The following LRMDA variants were observed in gnomAD, a reference collection of about 807,000 sequenced individuals.
LRMDA encodes the protein leucine rich melanocyte differentiation associated, also known as leucine-rich melanocyte differentiation-associated protein.
In LRMDA, 18 loss-of-function variants were observed where a neutral mutation model predicts 29.8. The observed-to-expected ratio is 0.60, with a 90% confidence interval of 0.42 to 0.90. The LOEUF (loss-of-function observed/expected upper bound fraction) is 0.90, where lower values mean the gene tolerates loss of function less well. Ranked by LOEUF, LRMDA falls within the 40% of genes least tolerant of loss-of-function variation. The pLI, the probability that LRMDA is intolerant of heterozygous loss-of-function variation, is 0.00. For missense variants in LRMDA, 273 were observed against 273.9 expected, an observed-to-expected ratio of 1.00 and a Z score of 0.02; for synonymous variants, 125 against 109.4, an observed-to-expected ratio of 1.14 and a Z score of -0.89.
At chr10:75,848,659 A>G (rs1844681452) in intron 2 of LRMDA, among the ~76,000 whole-genome samples, 1 of 152,064 alleles carries the variant, frequency 6.6e-6, no homozygotes, top group Non-Finnish European at 1.5e-5. Context: ...ACAATACCCC[A>G]GATGCATTAC....
chr10:76,334,374 A>G (rs1017718342), intron 6 of LRMDA, among the ~76,000 whole-genome samples: 1 of 152,208 alleles, frequency 6.6e-6, no homozygotes, highest in African/African-American at 2.4e-5. Flanking sequence ...TTTGGAACAA[A>G]TAAACAAACA....
At chr10:76,030,479 T>C (rs1848131439) in intron 2 of LRMDA, among the ~76,000 whole-genome samples, 1 of 152,208 alleles carries the variant, frequency 6.6e-6, no homozygotes, top group Admixed American at 6.5e-5. Flanking sequence ...AGAATATCTC[T>C]TACAGGACTA....
At chr10:75,804,090 T>C (rs982287592) in intron 2 of LRMDA, among the ~76,000 whole-genome samples, 4 of 152,220 alleles carry the variant, frequency 2.6e-5, no homozygotes, top group African/African-American at 9.6e-5. Context: ...AGGCACTCAG[T>C]AAGGGAAAAT....
intron 5 of LRMDA, among the ~76,000 whole-genome samples, chr10:76,262,476 G>A (rs952814150): frequency 2.0e-5 from 3 of 152,178 alleles, no homozygotes; most frequent in Admixed American, 6.5e-5. Context: ...CTCCGGCACC[G>A]TGTGAAGTTT....
chr10:75,870,390 T>C (rs1250255393), intron 2 of LRMDA, among the ~76,000 whole-genome samples: 1 of 152,236 alleles, frequency 6.6e-6, no homozygotes, highest in East Asian at 1.9e-4. Flanking sequence ...ACATGTGTTA[T>C]GTACGACATT....
chr10:75,723,162 G>T (rs1207456559), intron 2 of LRMDA, among the ~76,000 whole-genome samples: 1 of 152,216 alleles, frequency 6.6e-6, no homozygotes, highest in Non-Finnish European at 1.5e-5. Flanking sequence ...CATTAATGAA[G>T]GTTAGATCTT....
chr10:76,278,461 C>T (rs773821525), intron 5 of LRMDA, among the ~76,000 whole-genome samples: 51 of 152,284 alleles, frequency 3.3e-4, no homozygotes, highest in Non-Finnish European at 6.2e-4. Flanking sequence ...TGCTGCTAAT[C>T]GTCAGTGGAT....
At chr10:75,860,659 G>C (rs1479140652) in intron 2 of LRMDA, among the ~76,000 whole-genome samples, 2 of 152,134 alleles carry the variant, frequency 1.3e-5, no homozygotes, top group African/African-American at 2.4e-5. Context: ...GAAGCCCAAT[G>C]TTGCTTGTGT....
intron 5 of LRMDA, among the ~76,000 whole-genome samples, chr10:76,136,042 C>T (rs1379989144): frequency 2.6e-5 from 4 of 152,112 alleles, no homozygotes; most frequent in Admixed American, 6.5e-5. Context: ...CGTGTCATGT[C>T]TGATCTAAGA....
chr10:75,665,783 G>A (rs2132138559), intron 2 of LRMDA, among the ~76,000 whole-genome samples: 1 of 152,294 alleles, frequency 6.6e-6, no homozygotes, highest in African/African-American at 2.4e-5. Context: ...TTGTCTTTGA[G>A]TTATTTTACA....
intron 1 of LRMDA, 96 bp from the exon 2 acceptor site, chr10:75,438,298 A>C: frequency 1.0e-6 from 1 of 959,964 alleles, no homozygotes; most frequent in South Asian, 1.4e-5. Flanking sequence ...ATGTGTTTCA[A>C]GTTGCAGAAG....
chr10:76,329,101 C>T (rs919669521), intron 6 of LRMDA, among the ~76,000 whole-genome samples: 12 of 152,170 alleles, frequency 7.9e-5, no homozygotes, highest in Non-Finnish European at 1.2e-4. Context: ...GTTATCCATG[C>T]GTTGCCCTGC....
intron 6 of LRMDA, among the ~76,000 whole-genome samples, chr10:76,375,507 C>T (rs1319868447): frequency 6.6e-6 from 1 of 152,124 alleles, no homozygotes; most frequent in Non-Finnish European, 1.5e-5. Flanking sequence ...ATCCAAAATG[C>T]TTCGTAGTGT....
chr10:75,494,816 C>T (rs1845026740), intron 2 of LRMDA, among the ~76,000 whole-genome samples: 1 of 152,068 alleles, frequency 6.6e-6, no homozygotes, highest in Non-Finnish European at 1.5e-5. Flanking sequence ...GTTTCTTTCT[C>T]ATGTAAAAGA....
At chr10:75,941,917 T>G (rs1408994059) in intron 2 of LRMDA, among the ~76,000 whole-genome samples, 1 of 152,216 alleles carries the variant, frequency 6.6e-6, no homozygotes, top group African/African-American at 2.4e-5. Context: ...TCCTACTCTC[T>G]CCATGTCACA....
chr10:75,870,890 C>G (rs1449677048), intron 2 of LRMDA, among the ~76,000 whole-genome samples: 1 of 152,122 alleles, frequency 6.6e-6, no homozygotes. Context: ...CTCTTTGCTG[C>G]TCTTCTCGTG....
At chr10:75,748,603 G>A (rs1378298392) in intron 2 of LRMDA, among the ~76,000 whole-genome samples, 2 of 152,128 alleles carry the variant, frequency 1.3e-5, no homozygotes, top group East Asian at 1.9e-4. Context: ...ATGAGATGCT[G>A]ACCATCATCT....
chr10:75,937,325 G>A (rs1278602566), intron 2 of LRMDA, among the ~76,000 whole-genome samples: 19 of 152,200 alleles, frequency 1.2e-4, no homozygotes, highest in Non-Finnish European at 2.1e-4. Context: ...GATAAGCCTT[G>A]AAGAGAAGTT....
chr10:75,804,802 T>C (rs7915846), intron 2 of LRMDA, among the ~76,000 whole-genome samples: 70,460 of 152,022 alleles, frequency 0.46, 16,678 homozygotes, highest in South Asian at 0.55. Context: ...TTGTATAAGC[T>C]GTTTTGAGTT....
Sources: allele counts gnomAD v4.1 joint callset (sites outside exome capture counted in the v4.1 genomes callset), GRCh38; gene constraint gnomAD v4.1.1; transcripts MANE v1.5; gene names NCBI Gene and HGNC (gene_info 2026-07-23, HGNC 2026-07-21).